Variants in PRKAG2 observed in about 807,000 individuals in gnomAD.
PRKAG2 encodes the protein protein kinase AMP-activated non-catalytic subunit gamma 2, also known as 5'-AMP-activated protein kinase subunit gamma-2.
PRKAG2 carries 26 observed loss-of-function variants against 69.6 expected under a neutral mutation model. That is an observed-to-expected ratio of 0.37 (90% CI 0.27 to 0.52). The LOEUF is 0.52. Ranked by LOEUF, PRKAG2 falls within the 20% of genes least tolerant of loss-of-function variation. The pLI, the probability that PRKAG2 is intolerant of heterozygous loss-of-function variation, is 0.90. For synonymous variants in PRKAG2, 293 were observed against 285.0 expected, an observed-to-expected ratio of 1.03 and a Z score of -0.28; for missense variants, 557 against 740.0, an observed-to-expected ratio of 0.75 and a Z score of 2.87.
chr7:151,710,249 G>A (rs188918974), intron 3 of PRKAG2, among the ~76,000 whole-genome samples: 10 of 152,226 alleles, frequency 6.6e-5, no homozygotes, highest in Admixed American at 5.2e-4. Context: ...CTCTAAGTCC[G>A]GGACTTTCTG....
At chr7:151,754,098 G>C (rs1459728838) in intron 3 of PRKAG2, among the ~76,000 whole-genome samples, 1 of 152,248 alleles carries the variant, frequency 6.6e-6, no homozygotes, top group East Asian at 1.9e-4. Context: ...TGTCTCCGAA[G>C]GTGGGAGCAT....
intron 3 of PRKAG2, among the ~76,000 whole-genome samples, chr7:151,763,529 A>T (rs1235776278): frequency 1.3e-5 from 2 of 152,200 alleles, no homozygotes; most frequent in East Asian, 3.9e-4. Context: ...CCTTGAAGGA[A>T]GTTCGCTGGC....
chr7:151,786,236 A>G (rs974273419), intron 2 of PRKAG2, among the ~76,000 whole-genome samples: 1 of 152,298 alleles, frequency 6.6e-6, no homozygotes, highest in South Asian at 2.1e-4. Context: ...CCACGTGAGG[A>G]GAAGAAAAAG....
intron 6 of PRKAG2, among the ~76,000 whole-genome samples, chr7:151,584,004 AC>A (rs1400863318): frequency 6.6e-6 from 1 of 152,134 alleles, no homozygotes; most frequent in Non-Finnish European, 1.5e-5. Context: ...AATTAAGTTG[AC>A]TGTGAAGCTT....
At chr7:151,610,238 G>A (rs572271288) in intron 5 of PRKAG2, among the ~76,000 whole-genome samples, 4 of 152,076 alleles carry the variant, frequency 2.6e-5, no homozygotes, top group African/African-American at 7.2e-5. Context: ...GCATGGTGGC[G>A]GGTGCCTGTA....
chr7:151,804,340 G>T (rs185178414), intron 1 of PRKAG2, among the ~76,000 whole-genome samples: 1 of 152,324 alleles, frequency 6.6e-6, no homozygotes, highest in East Asian at 1.9e-4. Flanking sequence ...TAAGTTCCCA[G>T]AAGTGTGGCT....
chr7:151,809,210 T>C (rs1434275866), intron 1 of PRKAG2: 3 of 456,294 alleles, frequency 6.6e-6, no homozygotes, highest in East Asian at 7.0e-5. Context: ...GAGGGGTGAG[T>C]GGGCTTCTGG....
At chr7:151,795,172 G>C (rs1013764353) in intron 1 of PRKAG2, among the ~76,000 whole-genome samples, 2 of 152,220 alleles carry the variant, frequency 1.3e-5, no homozygotes, top group Non-Finnish European at 2.9e-5. Flanking sequence ...GAGGGAGAGT[G>C]GGGGGCAGGG....
intron 3 of PRKAG2, among the ~76,000 whole-genome samples, chr7:151,759,236 T>C (rs1480606917): frequency 6.6e-6 from 1 of 152,186 alleles, no homozygotes; most frequent in Non-Finnish European, 1.5e-5. Context: ...AGGCGTGCCA[T>C]GGCCTCCACC....
At chr7:151,695,374 G>T (rs1454329597) in intron 3 of PRKAG2, among the ~76,000 whole-genome samples, 1 of 152,218 alleles carries the variant, frequency 6.6e-6, no homozygotes, top group Non-Finnish European at 1.5e-5. Flanking sequence ...CCTGCAGGGG[G>T]AGAAGGCCAA....
At chr7:151,605,936 CAAAAAAAAAAA>C (rs560080587) in intron 5 of PRKAG2, among the ~76,000 whole-genome samples, 1 of 91,050 alleles carries the variant, frequency 1.1e-5, no homozygotes, top group Non-Finnish European at 2.4e-5. Context: ...GACTCCGTCT[CAAAAAAAAAAA>C]AAAAAAAAAG....
intron 13 of PRKAG2, among the ~76,000 whole-genome samples, chr7:151,564,868 T>C (rs1437404096): frequency 6.6e-6 from 1 of 152,124 alleles, no homozygotes; most frequent in Non-Finnish European, 1.5e-5. Flanking sequence ...GAAGAATGTT[T>C]AATGTGGGGT....
chr7:151,668,933 G>GGAAA (rs766675369), intron 4 of PRKAG2, among the ~76,000 whole-genome samples: 8 of 152,180 alleles, frequency 5.3e-5, no homozygotes, highest in Non-Finnish European at 1.2e-4. Context: ...TGCTGTGGAA[G>GGAAA]GAAATTGGAA....
In PRKAG2 at chr7:151,835,741, C is replaced by G. The variant is rs889270145; in HGVS notation, c.114+40766G>C. ...CAGTCACCCAGCATCCTGGCCCCAC[C>G]CTGGGCTTCCATTGGTCTGGATCGG... On this transcript the variant is annotated intron_variant, in intron 1 of 15. Coordinates refer to ENST00000287878, the MANE Select transcript of PRKAG2 (RefSeq NM_016203.4). This position sits in a 1 kb window ranked among gnomAD's most constrained non-coding sequence, Gnocchi z 4.1. Among the ~76,000 whole-genome samples, 1 of 152,246 alleles carries G rather than the reference C, an allele frequency of 6.6e-6. No individual in the cohort carries two copies. The highest frequency in any genetic ancestry group is 2.4e-5 in the African/African-American group (1 of 41,462).
At chr7:151,838,078 C>A (rs532047570) in intron 1 of PRKAG2, among the ~76,000 whole-genome samples, 28 of 152,128 alleles carry the variant, frequency 1.8e-4, no homozygotes, top group African/African-American at 6.5e-4. Flanking sequence ...CCAGCAGAGG[C>A]AGGACTGGAA....
chr7:151,774,063 G>A (rs2076214441), intron 3 of PRKAG2, among the ~76,000 whole-genome samples: 1 of 152,192 alleles, frequency 6.6e-6, no homozygotes, highest in Admixed American at 6.5e-5. Flanking sequence ...CTGCATTAGA[G>A]GGAGAGACGG....
At chr7:151,833,995 A>C (rs2079094485) in intron 1 of PRKAG2, among the ~76,000 whole-genome samples, 1 of 152,230 alleles carries the variant, frequency 6.6e-6, no homozygotes, top group Non-Finnish European at 1.5e-5. Context: ...AGGCAGGGAT[A>C]ACAGAATAGT....
intron 1 of PRKAG2, among the ~76,000 whole-genome samples, chr7:151,868,050 G>C (rs904008914): frequency 6.6e-6 from 1 of 152,118 alleles, no homozygotes; most frequent in Admixed American, 6.5e-5. Context: ...GGTCTTTGTC[G>C]TGCATTCATC....
intron 3 of PRKAG2, among the ~76,000 whole-genome samples, chr7:151,723,959 C>G (rs913937464): frequency 1.3e-5 from 2 of 152,198 alleles, no homozygotes; most frequent in African/African-American, 4.8e-5. Flanking sequence ...TGATCAACCC[C>G]GGTTCCAGCT....
Sources: gnomAD v4.1 joint callset for allele counts (sites outside exome capture counted in the v4.1 genomes callset) on GRCh38, gnomAD v4.1.1 for gene constraint, Gnocchi (gnomAD v3.1) non-coding constraint, MANE v1.5 for transcripts, NCBI Gene and HGNC (gene_info 2026-07-23, HGNC 2026-07-21) for gene names.